Variants in ITPKC observed in about 807,000 individuals in gnomAD.
ITPKC encodes IP3 3-kinase C.
In ITPKC, 33 loss-of-function variants were observed where a neutral mutation model predicts 67.1. The ratio of observed to expected loss-of-function variants is 0.49; its 90% CI spans 0.37 to 0.66. The LOEUF (loss-of-function observed/expected upper bound fraction) is 0.66. ITPKC is among the 30% of genes least tolerant of loss of function. ITPKC has a pLI of 0.00. For missense variants in ITPKC, 820 were observed against 892.1 expected (o/e 0.92, Z 1.03); for synonymous variants, 341 against 359.8 (o/e 0.95, Z 0.59).
At chr19:40,729,942 C>T (rs2082263240) in intron 3 of ITPKC, among the ~76,000 whole-genome samples, 2 of 152,014 alleles carry the variant, frequency 1.3e-5, no homozygotes. Context: ...GGAATAGGAT[C>T]CCTTTTTTTC....
At chr19:40,722,106 G>A (rs371361170) in intron 1 of ITPKC, among the ~76,000 whole-genome samples, 1 of 152,126 alleles carries the variant, frequency 6.6e-6, no homozygotes, top group South Asian at 2.1e-4. Context: ...CATGTGCTGG[G>A]GACATAATCA....
chr19:40,733,781 T>C (rs943440928), intron 4 of ITPKC, among the ~76,000 whole-genome samples: 8 of 152,142 alleles, frequency 5.3e-5, no homozygotes, highest in Non-Finnish European at 2.9e-5. Flanking sequence ...AGGCCAGGCA[T>C]GGTGGCTCAT....
At position 40,729,324 on chromosome 19, in the gene ITPKC, G is replaced by GTGC. The variant is rs1395879678; in HGVS notation, c.1382_1384dup (p.Leu461dup). 1 of 1,614,190 alleles carries GTGC rather than the reference G, an allele frequency of 6.2e-7. No homozygotes were observed. The highest frequency in any genetic ancestry group is 2.2e-5 in the East Asian group (1 of 44,878). The stretch of plus-strand genomic sequence containing the variant: ...TTTCGTGCCTGCCTACTATGGCATG[G>GTGC]TGCTGCAGGATGGCCAGACCTTCAA... On this transcript the variant is annotated inframe_insertion, in exon 3 of 7. Coordinates refer to ENST00000263370, the MANE Select transcript of ITPKC (RefSeq NM_025194.3).
In ITPKC at chr19:40,737,829, G is replaced by A. The variant is rs1215687203; in HGVS notation, c.1848+60G>A. ...GTGTCGGGGTCCAGGTGCATGGAGG[G>A]GAAACCATTGATGAGTTACAGGTCA... On this transcript the variant is annotated intron_variant, in intron 6 of 6. Transcript: ENST00000263370. 3 of 1,385,336 alleles carry A rather than the reference G, an allele frequency of 2.2e-6. No homozygotes were observed. In the Admixed American group the frequency reaches 5.0e-5, roughly 23 times the overall value. The allele number at this position is 1,385,336 out of a possible 1,614,324, so 85.8% of individuals were successfully genotyped here.
At chr19:40,721,127 C>T (rs1280689984) in intron 1 of ITPKC, among the ~76,000 whole-genome samples, 1 of 151,906 alleles carries the variant, frequency 6.6e-6, no homozygotes, top group African/African-American at 2.4e-5. Context: ...CCTATGTTAG[C>T]TTTGCTGGGG....
chr19:40,718,135 C>G lies in ITPKC; in HGVS notation c.1000C>G (p.Pro334Ala), dbSNP rs758633372. 6 of 1,607,918 alleles carry G rather than the reference C, an allele frequency of 3.7e-6. No homozygotes were observed. The African/African-American group carries it at 6.7e-5, about 18-fold the overall frequency. ...CCCTGTGCCCCGCCTCATCATTACC[C>G]CTGAGACCCCTGAGCCTGAGGCCCA... is the stretch of plus-strand genomic sequence containing the variant. Reference protein sequence around the residue: ...LCPVPRLIITPETPEPEAQPV... With the variant: ...LCPVPRLIITAETPEPEAQPV... The change falls in exon 1 of 7, where the codon CCT (proline) becomes GCT (alanine). Residue 334 changes from proline (P) to alanine (A), a missense_variant. By Grantham distance (27) the Pro-to-Ala change is conservative. Transcript: ENST00000263370.
chr19:40,739,669 C>T lies in ITPKC; in HGVS notation c.*109C>T, dbSNP rs190954897. The T allele has an allele frequency of 3.7e-5, 35 of 948,918 alleles. No homozygotes were observed. Among genetic ancestry groups the T allele is most frequent in the Middle Eastern group, 3.1e-4 (1 of 3,238 alleles). The allele number at this position is 948,918 out of a possible 1,614,324, so 58.8% of individuals were successfully genotyped here. On this transcript the variant is annotated 3_prime_UTR_variant, in exon 7 of 7. Coordinates refer to ENST00000263370, the MANE Select transcript of ITPKC (RefSeq NM_025194.3). ...CCACGGGGGAGCTGGCCTCCAGGGA[C>T]GGGAGAGATTGTGTCATGTGCCACA...
chr19:40,736,073 T>G (rs1424784539), intron 4 of ITPKC, among the ~76,000 whole-genome samples: 1 of 152,074 alleles, frequency 6.6e-6, no homozygotes, highest in Non-Finnish European at 1.5e-5. Flanking sequence ...GGGCGGAGCA[T>G]GAGGTCAGGA....
In ITPKC at chr19:40,739,665, G is replaced by A. The variant is rs975068119; in HGVS notation, c.*105G>A. The A allele has an allele frequency of 1.0e-6, 1 of 979,852 alleles. No individual in the cohort carries two copies. Among genetic ancestry groups the A allele is most frequent in the South Asian group, 1.6e-5 (1 of 63,822 alleles). The allele number at this position is 979,852 out of a possible 1,614,324, so 60.7% of individuals were successfully genotyped here. On this transcript the variant is annotated 3_prime_UTR_variant, in exon 7 of 7. Coordinates refer to ENST00000263370, the MANE Select transcript of ITPKC (RefSeq NM_025194.3). ...TTGGCCACGGGGGAGCTGGCCTCCA[G>A]GGACGGGAGAGATTGTGTCATGTGC...
At chr19:40,726,098 A>G (rs1315118399) in intron 2 of ITPKC, among the ~76,000 whole-genome samples, 1 of 152,098 alleles carries the variant, frequency 6.6e-6, no homozygotes, top group Non-Finnish European at 1.5e-5. Flanking sequence ...AAAATTAGCC[A>G]GGCATGGTGG....
At chr19:40,722,076 G>T (rs1188531108) in intron 1 of ITPKC, among the ~76,000 whole-genome samples, 1 of 151,968 alleles carries the variant, frequency 6.6e-6, no homozygotes, top group Non-Finnish European at 1.5e-5. Flanking sequence ...TGTTTCTGGA[G>T]CGTCTGTCGT....
intron 1 of ITPKC, among the ~76,000 whole-genome samples, chr19:40,722,436 T>C (rs182874620): frequency 9.3e-4 from 141 of 152,282 alleles, no homozygotes; most frequent in African/African-American, 2.6e-3. Flanking sequence ...GGCAGCTGGA[T>C]TGGGGAGGGA....
intron 1 of ITPKC, among the ~76,000 whole-genome samples, chr19:40,723,390 G>A (rs1001300374): frequency 2.0e-5 from 3 of 152,126 alleles, no homozygotes; most frequent in African/African-American, 4.8e-5. Flanking sequence ...CATCGTACCC[G>A]CTGCTTTTGT....
rs1481644528 is a variant in ITPKC, at chr19:40,740,004, G to A, written c.*444G>A. On this transcript the variant is annotated 3_prime_UTR_variant, in exon 7 of 7. Coordinates refer to ENST00000263370, the MANE Select transcript of ITPKC (RefSeq NM_025194.3). ...GGACTGGGTCAGGCTCATCTGTGGC[G>A]CCTCAGAGGGTCAGCATCATTGGTG... is the stretch of plus-strand genomic sequence containing the variant. 5 of 179,672 alleles carry A rather than the reference G, an allele frequency of 2.8e-5. No individual in the cohort carries two copies. The highest frequency in any genetic ancestry group is 5.7e-5 in the Admixed American group (1 of 17,668). 11.1% of individuals were successfully genotyped at this position (179,672 alleles called of 1,614,324 possible).
In ITPKC at chr19:40,718,190, G is replaced by T. The variant is rs371358958; in HGVS notation, c.1055G>T (p.Gly352Val). Residue 352 changes from glycine to valine, a missense_variant, in exon 1 of 7, where the codon GGG becomes GTG. Transcript: ENST00000263370. ...GTGGGACCCCCCTCCCGGGTTGAGG[G>T]GGGCAGCGGCGGCTTCTCCTCTGCC... The part of the protein sequence containing the change: ...QPVGPPSRVE[G>V]GSGGFSSASS... 1.3e-6 allele frequency: 2 copies of T among 1,577,400 alleles called. No individual in the cohort carries two copies. Among genetic ancestry groups the T allele is most frequent in the Non-Finnish European group, 1.7e-6 (2 of 1,163,786 alleles).
At chr19:40,738,704 TACC>T (rs1424067344) in intron 6 of ITPKC, among the ~76,000 whole-genome samples, 2 of 152,238 alleles carry the variant, frequency 1.3e-5, no homozygotes, top group Non-Finnish European at 2.9e-5. Flanking sequence ...ATTTGCTATG[TACC>T]AAGCACTGTC....
In ITPKC at chr19:40,740,333, C is replaced by T. The variant is rs139556022; in HGVS notation, c.*773C>T. ...GCACCAGATCCGGCCTCAGGACTTACACCTCCTGCCTGACCCCCAGGCTTC... is the reference window on the plus strand; with the variant it reads ...GCACCAGATCCGGCCTCAGGACTTATACCTCCTGCCTGACCCCCAGGCTTC... On this transcript the variant is annotated 3_prime_UTR_variant, in exon 7 of 7. Coordinates refer to ENST00000263370, the MANE Select transcript of ITPKC (RefSeq NM_025194.3). The T allele has an allele frequency of 0.019, 3,015 of 154,704 alleles. 38 individuals carry two copies. The highest frequency in any genetic ancestry group is 0.028 in the Non-Finnish European group (1,967 of 69,356). 9.6% of individuals were successfully genotyped at this position (154,704 alleles called of 1,614,324 possible).
Position 40,737,017 on chromosome 19 carries a change from A to G in ITPKC, c.1706A>G (p.Lys569Arg), listed in dbSNP as rs768568733. ...KADGTCNTNF[K>R]KTQALEQVTK... ...GATGGGACCTGTAACACCAACTTCAAGAAGACGCAGGCACTGGAGCAGGTG... is the reference window on the plus strand; with the variant it reads ...GATGGGACCTGTAACACCAACTTCAGGAAGACGCAGGCACTGGAGCAGGTG... The change falls in exon 5 of 7, where the codon AAG becomes AGG. Residue 569 changes from lysine (K) to arginine (R), a missense_variant. This residue lies in a region of ITPKC where 339 missense variants were observed against 422.0 expected (regional missense o/e 0.80). Transcript: ENST00000263370. 4.4e-6 allele frequency: 7 copies of G among 1,594,492 alleles called. No homozygotes were observed. The highest frequency in any genetic ancestry group is 1.7e-5 in the Admixed American group (1 of 57,962).
In ITPKC at chr19:40,717,297, G is replaced by A. The variant is rs1252902802; in HGVS notation, c.162G>A (p.Glu54=). Residue 54 remains glutamate, a synonymous_variant, in exon 1 of 7, where the codon GAG becomes GAA. Coordinates refer to ENST00000263370, the MANE Select transcript of ITPKC (RefSeq NM_025194.3). The part of the protein sequence containing the change: ...PGAGAPAGRP[E]GGGPWARTEG... ...CAGGGGCCCCGGCGGGGCGGCCGGA[G>A]GGGGGCGGGCCCTGGGCCCGGACAG... 1 of 1,489,892 alleles carries A rather than the reference G, an allele frequency of 6.7e-7. No individual in the cohort carries two copies. The highest frequency in any genetic ancestry group is 8.9e-7 in the Non-Finnish European group (1 of 1,122,886). 92.3% of individuals were successfully genotyped at this position (1,489,892 alleles called of 1,614,324 possible). A position where few individuals can be genotyped will look rare whatever the true frequency, so the allele number is the denominator to read the frequency against.
Sources: allele counts gnomAD v4.1 joint callset (sites outside exome capture counted in the v4.1 genomes callset), GRCh38; gene constraint gnomAD v4.1.1; regional missense constraint gnomAD v4.1.1; transcripts MANE v1.5; gene names NCBI Gene and HGNC (gene_info 2026-07-23, HGNC 2026-07-21).